Variants in POU6F2 observed in about 807,000 individuals in gnomAD.
POU6F2 encodes the protein POU class 6 homeobox 2, also known as POU domain, class 6, transcription factor 2.
Under a neutral mutation model 71.3 loss-of-function variants are expected in POU6F2, and 31 were observed. The observed-to-expected ratio is 0.43, with a 90% CI of 0.33 to 0.59. The LOEUF (loss-of-function observed/expected upper bound fraction) is 0.59. POU6F2 is among the 20% of genes least tolerant of loss of function. The probability of loss-of-function intolerance (pLI) is 0.04; values close to 1 mark genes in which losing one functional copy is unlikely to be tolerated. For missense variants in POU6F2, 783 were observed against 856.8 expected (o/e 0.91, Z 1.07); for synonymous variants, 347 against 355.7 (o/e 0.98, Z 0.27).
At chr7:39,027,773 T>G (rs1562676538) in intron 1 of POU6F2, among the ~76,000 whole-genome samples, 1 of 152,202 alleles carries the variant, frequency 6.6e-6, no homozygotes, top group Non-Finnish European at 1.5e-5. Flanking sequence ...AATGTGCAGT[T>G]CTCTGAAATA....
intron 1 of POU6F2, among the ~76,000 whole-genome samples, chr7:39,059,419 T>C (rs1008224027): frequency 6.6e-6 from 1 of 151,806 alleles, no homozygotes; most frequent in Admixed American, 6.6e-5. Context: ...CCGGATCTCA[T>C]TCACAAATGT....
At chr7:39,323,720 C>A (rs1301904864) in intron 4 of POU6F2, among the ~76,000 whole-genome samples, 1 of 152,090 alleles carries the variant, frequency 6.6e-6, no homozygotes, top group Admixed American at 6.6e-5. Context: ...ATTCTGGTGG[C>A]AGATGGGCAC....
chr7:39,003,783 T>G (rs1447554570), intron 1 of POU6F2, among the ~76,000 whole-genome samples: 1 of 151,862 alleles, frequency 6.6e-6, no homozygotes, highest in African/African-American at 2.4e-5. Context: ...TTAAGCATAT[T>G]AAATCCATAA....
At chr7:39,432,921 G>C (rs911698217) in intron 6 of POU6F2, among the ~76,000 whole-genome samples, 156 bp from the exon 7 acceptor site, 5 of 151,926 alleles carry the variant, frequency 3.3e-5, no homozygotes, top group African/African-American at 1.2e-4. Context: ...GCCTGCCCCT[G>C]CCACCTTCTT....
intron 8 of POU6F2, among the ~76,000 whole-genome samples, chr7:39,457,853 C>T (rs1167571331): frequency 1.3e-5 from 2 of 152,150 alleles, no homozygotes; most frequent in Non-Finnish European, 2.9e-5. Flanking sequence ...AACCCTTCTT[C>T]CCTCTCTCAG....
chr7:39,016,874 CTG>C (rs1463322770), intron 1 of POU6F2, among the ~76,000 whole-genome samples: 3 of 152,198 alleles, frequency 2.0e-5, no homozygotes, highest in African/African-American at 7.2e-5. Context: ...CCGACAGCCA[CTG>C]TGGCAGAGCA....
chr7:39,375,457 A>T (rs960072027), intron 5 of POU6F2, among the ~76,000 whole-genome samples: 4 of 152,058 alleles, frequency 2.6e-5, no homozygotes, highest in Non-Finnish European at 5.9e-5. Context: ...CCAGTCCCTG[A>T]AGCCGTGGGA....
chr7:39,385,294 T>G (rs1786913217), intron 5 of POU6F2, among the ~76,000 whole-genome samples: 2 of 152,228 alleles, frequency 1.3e-5, no homozygotes, highest in African/African-American at 4.8e-5. Flanking sequence ...TTTTTCCCTC[T>G]TGTGTTTTTA....
chr7:39,019,509 T>C (rs752452887), intron 1 of POU6F2, among the ~76,000 whole-genome samples: 9 of 152,182 alleles, frequency 5.9e-5, no homozygotes, highest in Non-Finnish European at 1.3e-4. Flanking sequence ...GTTTAAGCTT[T>C]GGGAAATTTC....
At position 39,067,394 on chromosome 7, in the gene POU6F2, TAATAA is replaced by T. The variant is rs995369626; in HGVS notation, c.106-18458_106-18454del. On this transcript the variant is annotated intron_variant, in intron 1 of 9. Coordinates refer to ENST00000518318, the MANE Select transcript of POU6F2 (RefSeq NM_001370959.1). ...GGGAAGTGATTTCTTTTCATAAAAG[TAATAA>T]AATAAAACATAAAGGTTAAATATGA... 9.6e-4 allele frequency among the ~76,000 whole-genome samples: 146 copies of T among 151,944 alleles called. 1 individual carries two copies. The highest frequency in any genetic ancestry group is 3.1e-3 in the African/African-American group (128 of 41,556).
intron 4 of POU6F2, among the ~76,000 whole-genome samples, chr7:39,218,368 A>C (rs765274865): frequency 1.3e-5 from 2 of 152,122 alleles, no homozygotes; most frequent in Non-Finnish European, 2.9e-5. Flanking sequence ...TATTGAAAAT[A>C]AGAAAATCGG....
chr7:39,294,132 G>T (rs1032335873), intron 4 of POU6F2, among the ~76,000 whole-genome samples: 1 of 151,690 alleles, frequency 6.6e-6, no homozygotes. Flanking sequence ...ATGAGAATCA[G>T]GTCTAGTGAG....
intron 2 of POU6F2, among the ~76,000 whole-genome samples, chr7:39,129,860 G>A (rs1018279653): frequency 6.6e-6 from 1 of 151,858 alleles, no homozygotes; most frequent in East Asian, 1.9e-4. Context: ...TCAGGAGATT[G>A]AAACCATCCT....
chr7:39,250,543 G>T lies in POU6F2; in HGVS notation c.598+42923G>T, dbSNP rs371581685. On this transcript the variant is annotated intron_variant, in intron 4 of 9. Transcript: ENST00000518318. Reference sequence around the variant, plus strand: ...TTTGAGATCTCCTTATTCACTAATAGTTCTTTATCTCATCTCTTTATGATA... The same window carrying T: ...TTTGAGATCTCCTTATTCACTAATATTTCTTTATCTCATCTCTTTATGATA... Among the ~76,000 whole-genome samples the T allele has an allele frequency of 3.3e-5, 5 of 152,240 alleles. No individual in the cohort carries two copies. The East Asian group carries it at 9.7e-4, about 29-fold the overall frequency.
intron 5 of POU6F2, among the ~76,000 whole-genome samples, chr7:39,386,590 C>T (rs1055757944): frequency 3.3e-5 from 5 of 152,186 alleles, no homozygotes; most frequent in African/African-American, 1.2e-4. Flanking sequence ...GATGGCTGCT[C>T]TGGCAACAGC....
chr7:39,197,251 G>A lies in POU6F2; in HGVS notation c.278-6984G>A, dbSNP rs540980253. Reference sequence around the variant, plus strand: ...TCAGGGGGCTTGGGCTCAGGTGAGGGGAAGGTCATATGCTCAGCATGCAAC... The same window carrying A: ...TCAGGGGGCTTGGGCTCAGGTGAGGAGAAGGTCATATGCTCAGCATGCAAC... On this transcript the variant is annotated intron_variant, in intron 2 of 9. Transcript: ENST00000518318. Among the ~76,000 whole-genome samples the A allele has an allele frequency of 7.4e-4, 112 of 152,262 alleles. 1 individual carries two copies. Among genetic ancestry groups the A allele is most frequent in the African/African-American group, 2.2e-3 (93 of 41,560 alleles).
chr7:39,207,554 A>G lies in POU6F2; in HGVS notation c.532A>G (p.Ile178Val), dbSNP rs143406388. 1.9e-6 allele frequency: 3 copies of G among 1,613,878 alleles called. No homozygotes were observed. The highest frequency in any genetic ancestry group is 2.7e-5 in the African/African-American group (2 of 74,926). ...ACTGCCAACAGCGAATCTCACCAAC[A>G]TCCAAGGGCTGGTGGCAGCAGCTGC... ...LTLPTANLTNIQGLVAAAAAG... is the reference protein window; with the variant it reads ...LTLPTANLTNVQGLVAAAAAG... Residue 178 changes from isoleucine (I) to valine (V), a missense_variant, in exon 4 of 10, where the codon ATC becomes GTC. Physicochemically the swap from Ile to Val is conservative, Grantham distance 29. Transcript: ENST00000518318.
chr7:39,178,266 CAA>C (rs902163698), intron 2 of POU6F2, among the ~76,000 whole-genome samples: 1 of 151,996 alleles, frequency 6.6e-6, no homozygotes, highest in African/African-American at 2.4e-5. Context: ...ACAAAAAAAA[CAA>C]AAACTTTCTT....
intron 4 of POU6F2, among the ~76,000 whole-genome samples, chr7:39,217,430 A>T (rs1444247700): frequency 6.6e-6 from 1 of 152,126 alleles, no homozygotes; most frequent in Non-Finnish European, 1.5e-5. Context: ...CTTGTGATTT[A>T]ATTTTGTGCT....
Sources: allele counts gnomAD v4.1 joint callset (sites outside exome capture counted in the v4.1 genomes callset), GRCh38; gene constraint gnomAD v4.1.1; transcripts MANE v1.5; gene names NCBI Gene and HGNC (gene_info 2026-07-23, HGNC 2026-07-21).